The following ARHGAP6 variants were observed in gnomAD, a reference collection of about 807,000 sequenced individuals.
ARHGAP6 encodes the protein Rho GTPase activating protein 6.
A neutral mutation model predicts 55.7 loss-of-function variants in ARHGAP6; 16 were observed. The ratio of observed to expected loss-of-function variants is 0.29; its 90% CI spans 0.19 to 0.44. The LOEUF (loss-of-function observed/expected upper bound fraction) is 0.44. Among genes scored for constraint, ARHGAP6 ranks in the 20% least tolerant of loss-of-function variants. The probability of loss-of-function intolerance (pLI) is 1.00; values close to 1 mark genes in which losing one functional copy is unlikely to be tolerated. For missense variants in ARHGAP6, 698 were observed against 808.9 expected, an observed-to-expected ratio of 0.86 and a Z score of 1.66; for synonymous variants, 382 against 360.9, an observed-to-expected ratio of 1.06 and a Z score of -0.66.
At chrX:11,565,127 A>G (rs934659857) in intron 1 of ARHGAP6, among the ~76,000 whole-genome samples, 6 of 112,376 alleles carry the variant, frequency 5.3e-5, no homozygotes, top group African/African-American at 1.9e-4. Flanking sequence ...TTTTCCTGGT[A>G]GCTCTGTGTG....
intron 6 of ARHGAP6, among the ~76,000 whole-genome samples, 174 bp from the exon 7 acceptor site, chrX:11,179,626 T>C (rs990144453): frequency 1.9e-5 from 2 of 108,000 alleles, no homozygotes; most frequent in African/African-American, 6.8e-5. Context: ...AGTCCAGCTA[T>C]GAATATGTGT....
At chrX:11,653,551 T>C (rs2052608872) in intron 1 of ARHGAP6, among the ~76,000 whole-genome samples, 1 of 112,426 alleles carries the variant, frequency 8.9e-6, no homozygotes, top group African/African-American at 3.2e-5. Flanking sequence ...TGCTTCCTAG[T>C]GTGTGACCAC....
In ARHGAP6 at chrX:11,351,338, T is replaced by C. The variant is rs1013349467; in HGVS notation, c.589-96631A>G. 13 of 953,715 alleles carry C rather than the reference T, an allele frequency of 1.4e-5. No homozygotes were observed. In the African/African-American group the frequency reaches 2.4e-4, roughly 18 times the overall value. 78.6% of individuals were successfully genotyped at this position (953,715 alleles called of 1,213,427 possible). On this transcript the variant is annotated intron_variant, in intron 1 of 12. Transcript: ENST00000337414. ...AAGAGCTACTATATTAAAATAAACA[T>C]TCATATCATATAACTAAATACACGT...
At chrX:11,426,589 C>T (rs1046143900) in intron 1 of ARHGAP6, among the ~76,000 whole-genome samples, 5 of 110,866 alleles carry the variant, frequency 4.5e-5, no homozygotes, top group African/African-American at 1.6e-4. Flanking sequence ...CATCTCAAAA[C>T]GACACATCTC....
At chrX:11,372,087 T>C (rs1438388848) in intron 1 of ARHGAP6, among the ~76,000 whole-genome samples, 1 of 112,233 alleles carries the variant, frequency 8.9e-6, no homozygotes, top group Non-Finnish European at 1.9e-5. Flanking sequence ...AACAAGCCCA[T>C]CTGCAGAAAT....
chrX:11,501,434 A>G (rs2050676925), intron 1 of ARHGAP6, among the ~76,000 whole-genome samples: 1 of 112,030 alleles, frequency 8.9e-6, no homozygotes, highest in Non-Finnish European at 1.9e-5. Context: ...TTCTAGCCAT[A>G]GTTTGCCAGT....
chrX:11,379,897 G>A (rs964455560), intron 1 of ARHGAP6, among the ~76,000 whole-genome samples: 2 of 110,887 alleles, frequency 1.8e-5, no homozygotes, highest in African/African-American at 3.3e-5. Context: ...GGACAGTGAC[G>A]TACAAACTAC....
In ARHGAP6 at chrX:11,139,294, G is replaced by A. The variant is rs777711140; in HGVS notation, c.2494C>T (p.Arg832Trp). ...PHVQVAGKAERPTARSEQYLT... is the reference protein window; with the variant it reads ...PHVQVAGKAEWPTARSEQYLT... ...TACTGCTCCGACCTGGCCGTGGGCC[G>A]CTCGGCTTTCCCTGCCACCTGGACG... is the stretch of plus-strand genomic sequence containing the variant. Residue 832 changes from arginine to tryptophan, a missense_variant, in exon 13 of 13, where the codon CGG (arginine) becomes TGG (tryptophan). Transcript: ENST00000337414. 5.1e-5 allele frequency: 61 copies of A among 1,185,729 alleles called. No homozygotes were observed. The highest frequency in any genetic ancestry group is 6.8e-5 in the Non-Finnish European group (60 of 883,684).
chrX:11,290,884 A>G (rs1463501169), intron 1 of ARHGAP6, among the ~76,000 whole-genome samples: 1 of 112,054 alleles, frequency 8.9e-6, no homozygotes, highest in Non-Finnish European at 1.9e-5. Context: ...GGCCAGCCCC[A>G]CTTAGAGTGT....
At chrX:11,250,801 T>C (rs772010865) in intron 2 of ARHGAP6, among the ~76,000 whole-genome samples, 1 of 111,440 alleles carries the variant, frequency 9.0e-6, no homozygotes, top group Non-Finnish European at 1.9e-5. Flanking sequence ...CTCATCACGT[T>C]TGCAAAGTTC....
At chrX:11,394,282 C>A (rs1158945430) in intron 1 of ARHGAP6, among the ~76,000 whole-genome samples, 1 of 111,837 alleles carries the variant, frequency 8.9e-6, no homozygotes, top group African/African-American at 3.2e-5. Context: ...TCACAAAAGA[C>A]CACATGTCAT....
intron 1 of ARHGAP6, among the ~76,000 whole-genome samples, chrX:11,574,454 A>C (rs1255117699): frequency 2.8e-5 from 3 of 108,747 alleles, no homozygotes; most frequent in Non-Finnish European, 3.8e-5. Context: ...CCAGCATATA[A>C]ACAGAACCAA....
chrX:11,276,220 G>A (rs2047763344), intron 1 of ARHGAP6, among the ~76,000 whole-genome samples: 1 of 110,080 alleles, frequency 9.1e-6, no homozygotes, highest in South Asian at 3.9e-4. Context: ...ATCTCCCCCC[G>A]ACCCTGCCCC....
At chrX:11,210,987 A>T (rs2046786354) in intron 2 of ARHGAP6, among the ~76,000 whole-genome samples, 1 of 112,113 alleles carries the variant, frequency 8.9e-6, no homozygotes, top group African/African-American at 3.2e-5. Flanking sequence ...AAATGGAATG[A>T]GATTGAGAGT....
chrX:11,333,783 C>A (rs1366713406), intron 1 of ARHGAP6, among the ~76,000 whole-genome samples: 1 of 112,145 alleles, frequency 8.9e-6, no homozygotes, highest in Admixed American at 9.4e-5. Flanking sequence ...CATGGGAGGA[C>A]AAACTTGAGG....
chrX:11,515,296 A>C (rs1343841243), intron 1 of ARHGAP6, among the ~76,000 whole-genome samples: 1 of 112,555 alleles, frequency 8.9e-6, no homozygotes, highest in Non-Finnish European at 1.9e-5. Context: ...TAAGGTACAC[A>C]TAAGTTTGTG....
intron 1 of ARHGAP6, among the ~76,000 whole-genome samples, chrX:11,504,256 G>T (rs2050709776): frequency 8.9e-6 from 1 of 111,774 alleles, no homozygotes; most frequent in South Asian, 3.7e-4. Context: ...AAGCTTCCTT[G>T]GAAAGCAGGT....
chrX:11,185,013 A>G (rs181773231), intron 5 of ARHGAP6, among the ~76,000 whole-genome samples: 1 of 112,250 alleles, frequency 8.9e-6, no homozygotes, highest in East Asian at 2.8e-4. Context: ...GGTAACTGTA[A>G]CAAAATCTTA....
chrX:11,154,335 G>A (rs749725307), intron 10 of ARHGAP6, among the ~76,000 whole-genome samples: 147 of 111,831 alleles, frequency 1.3e-3, no homozygotes, highest in African/African-American at 4.3e-3. Flanking sequence ...TTACTCTTAC[G>A]GATAGGGAAC....
Sources: allele counts gnomAD v4.1 joint callset (sites outside exome capture counted in the v4.1 genomes callset), GRCh38; gene constraint gnomAD v4.1.1; transcripts MANE v1.5; gene names NCBI Gene and HGNC (gene_info 2026-07-23, HGNC 2026-07-21).